PPEF2: variants seen among roughly 807,000 people sequenced by gnomAD.
PPEF2 encodes the protein protein phosphatase with EF-hand domain 2, also known as serine/threonine-protein phosphatase with EF-hands 2.
PPEF2 carries 84 observed loss-of-function variants against 84.7 expected under a neutral mutation model. The ratio of observed to expected loss-of-function variants is 0.99; its 90% CI spans 0.83 to 1.19. The LOEUF (loss-of-function observed/expected upper bound fraction) is 1.19, where lower values mean the gene tolerates loss of function less well. Ranked by LOEUF, PPEF2 falls within the 50% of genes most tolerant of loss-of-function variation. The probability of loss-of-function intolerance (pLI) is 0.00; values close to 1 mark genes in which losing one functional copy is unlikely to be tolerated. For missense variants in PPEF2, 924 were observed against 937.5 expected (o/e 0.99, Z 0.19); for synonymous variants, 346 against 345.2 (o/e 1.00, Z -0.03).
At chr4:75,882,349 A>C (rs1294044458) in intron 10 of PPEF2, among the ~76,000 whole-genome samples, 2 of 152,174 alleles carry the variant, frequency 1.3e-5, no homozygotes, top group African/African-American at 4.8e-5. Context: ...CTTTAATTGA[A>C]GGTAATATGA....
chr4:75,872,173 T>C lies in PPEF2; in HGVS notation c.1507-6A>G. The C allele has an allele frequency of 6.2e-7, 1 of 1,612,170 alleles. No individual in the cohort carries two copies. The highest frequency in any genetic ancestry group is 8.5e-7 in the Non-Finnish European group (1 of 1,179,292). ...GCAGAAAAGATTGTTAATACCTACA[T>C]CAAAACAGAAGAGAGACAGGTGTTC... On this transcript the variant is annotated splice_polypyrimidine_tract_variant and splice_region_variant and intron_variant, in intron 12 of 16. Transcript: ENST00000286719.
At chr4:75,883,140 A>G (rs1168267885) in intron 9 of PPEF2, 26 bp downstream of exon 9, 1 of 1,613,790 alleles carries the variant, frequency 6.2e-7, no homozygotes, top group Non-Finnish European at 8.5e-7. Flanking sequence ...AACTGAGAGA[A>G]ACTTTTGTCT....
Position 75,876,424 on chromosome 4 carries a change from C to G in PPEF2, c.1183G>C (p.Glu395Gln). 1 of 1,614,192 alleles carries G rather than the reference C, an allele frequency of 6.2e-7. No individual in the cohort carries two copies. The highest frequency in any genetic ancestry group is 8.5e-7 in the Non-Finnish European group (1 of 1,180,046). ...ELSRQVRSSV[E>Q]LELERCRQQA... is the part of the protein sequence containing the mutation. ...TGCCGGCACCGCTCTAGCTCCAGTT[C>G]CACGGAGCTCCGCACCTGCCGGGAG... is the stretch of plus-strand genomic sequence containing the variant. The change falls in exon 11 of 17, where the codon GAA becomes CAA. Residue 395 changes from glutamate to glutamine, a missense_variant. By Grantham distance (29) the Glu-to-Gln change is conservative (BLOSUM62 2). Transcript: ENST00000286719.
At chr4:75,881,872 A>G (rs1037794240) in intron 10 of PPEF2, 1 of 152,230 alleles carries the variant, frequency 6.6e-6, no homozygotes, top group Non-Finnish European at 1.5e-5. Context: ...TCTCATATAC[A>G]TAGACTTTCA....
chr4:75,871,874 G>A (rs1724288675), intron 13 of PPEF2, 151 bp downstream of exon 13: 5 of 724,220 alleles, frequency 6.9e-6, no homozygotes, highest in Admixed American at 3.2e-5. Flanking sequence ...CTACTCTAAT[G>A]TCTATTGTAT....
chr4:75,872,634 G>A (rs887709800), intron 12 of PPEF2, among the ~76,000 whole-genome samples: 1 of 152,138 alleles, frequency 6.6e-6, no homozygotes, highest in Non-Finnish European at 1.5e-5. Context: ...GCTAGATACT[G>A]TATCTCTTCC....
In PPEF2 at chr4:75,891,979, C is replaced by T; in HGVS notation, c.56-1G>A. 2 of 1,611,324 alleles carry T rather than the reference C, an allele frequency of 1.2e-6. No homozygotes were observed. The highest frequency in any genetic ancestry group is 1.7e-6 in the Non-Finnish European group (2 of 1,177,682). Reference sequence around the variant, plus strand: ...TGGATCAGGGCTGCTGCCTTGAAGGCTATGACACCGATGGAGAAGCAAGCC... The same window carrying T: ...TGGATCAGGGCTGCTGCCTTGAAGGTTATGACACCGATGGAGAAGCAAGCC... On this transcript the variant is annotated splice_acceptor_variant, in intron 2 of 16. Transcript: ENST00000286719. LOFTEE classifies it high-confidence loss of function.
rs777547990 is a variant in PPEF2, at chr4:75,890,113, T to C, written c.261A>G (p.Ile87Met). ...CCTGGGCGAATCTGTCCTCAGTGAA[T>C]ATGCGGGTCAGGAAGTCCCCTAGTC... ...SHNDRDFLTR[I>M]FTEDRFAQDS... The change falls in exon 5 of 17, where the codon ATA becomes ATG. Residue 87 changes from isoleucine to methionine, a missense_variant. Physicochemically the swap from Ile to Met is conservative, Grantham distance 10. Coordinates refer to ENST00000286719, the MANE Select transcript of PPEF2 (RefSeq NM_006239.3). 8 of 1,613,860 alleles carry C rather than the reference T, an allele frequency of 5.0e-6. No homozygotes were observed. Among genetic ancestry groups the C allele is most frequent in the East Asian group, 2.2e-5 (1 of 44,886 alleles).
intron 13 of PPEF2, among the ~76,000 whole-genome samples, chr4:75,868,156 C>A (rs1471306593): frequency 6.9e-5 from 10 of 145,884 alleles, no homozygotes; most frequent in African/African-American, 5.1e-5. Flanking sequence ...ACTCAAAGTA[C>A]AAAAAAAAAA....
chr4:75,884,424 C>A (rs373123437), intron 8 of PPEF2, among the ~76,000 whole-genome samples, 170 bp downstream of exon 8: 60 of 144,312 alleles, frequency 4.2e-4, no homozygotes, highest in East Asian at 8.0e-4. Flanking sequence ...AGACTCTCTC[C>A]AAAAAAAAAA....
chr4:75,897,777 A>AAACAAC (rs368624134), intron 1 of PPEF2, among the ~76,000 whole-genome samples: 1 of 152,054 alleles, frequency 6.6e-6, no homozygotes, highest in African/African-American at 2.4e-5. Context: ...ACTCTGCCTA[A>AAACAAC]AACAACAACA....
At chr4:75,900,921 C>T (rs1039846054) in intron 1 of PPEF2, among the ~76,000 whole-genome samples, 13 of 151,924 alleles carry the variant, frequency 8.6e-5, no homozygotes, top group Non-Finnish European at 1.9e-4. Flanking sequence ...CAGAAGAGCA[C>T]GCCTAGTGTG....
chr4:75,899,564 G>A (rs900549528), intron 1 of PPEF2, among the ~76,000 whole-genome samples: 2 of 152,138 alleles, frequency 1.3e-5, no homozygotes, highest in African/African-American at 4.8e-5. Flanking sequence ...TTTGAAGGTT[G>A]TGATACTGGG....
At chr4:75,890,437 A>G (rs1724849434) in intron 4 of PPEF2, among the ~76,000 whole-genome samples, 1 of 151,052 alleles carries the variant, frequency 6.6e-6, no homozygotes, top group Admixed American at 6.6e-5. Flanking sequence ...TTCAATGAGC[A>G]GAGATGATAC....
At chr4:75,876,804 A>G in intron 10 of PPEF2, 131 bp from the exon 11 acceptor site, 1 of 966,420 alleles carries the variant, frequency 1.0e-6, no homozygotes, top group Non-Finnish European at 1.4e-6. Flanking sequence ...CCGGGAGTTC[A>G]AGACCAGCTT....
In PPEF2 at chr4:75,884,732, T is replaced by A; in HGVS notation, c.608A>T (p.Tyr203Phe). ...KNGLPSPERSYVFNGDFVDRG... is the reference protein window; with the variant it reads ...KNGLPSPERSFVFNGDFVDRG... ...ATCCACAAAGTCACCGTTGAACACATATGACCGTTCTGGCGACGGGAGGCC... is the reference window on the plus strand; with the variant it reads ...ATCCACAAAGTCACCGTTGAACACAAATGACCGTTCTGGCGACGGGAGGCC... Residue 203 changes from tyrosine to phenylalanine, a missense_variant, in exon 8 of 17, where the codon TAT becomes TTT. Transcript: ENST00000286719. 6.2e-7 allele frequency: 1 copy of A among 1,605,206 alleles called. No individual in the cohort carries two copies. The highest frequency in any genetic ancestry group is 8.5e-7 in the Non-Finnish European group (1 of 1,177,834).
intron 10 of PPEF2, among the ~76,000 whole-genome samples, chr4:75,879,925 T>C (rs529056693): frequency 1.3e-5 from 2 of 152,010 alleles, no homozygotes; most frequent in Non-Finnish European, 2.9e-5. Context: ...GCCTCCCAGA[T>C]TCAAGCAATT....
At chr4:75,870,333 T>C (rs755193274) in intron 13 of PPEF2, among the ~76,000 whole-genome samples, 1 of 152,220 alleles carries the variant, frequency 6.6e-6, no homozygotes, top group Non-Finnish European at 1.5e-5. Context: ...ACAGTAGGTC[T>C]GACATTCACT....
At chr4:75,901,210 A>G (rs1385649180) in intron 1 of PPEF2, among the ~76,000 whole-genome samples, 1 of 152,172 alleles carries the variant, frequency 6.6e-6, no homozygotes, top group Non-Finnish European at 1.5e-5. Flanking sequence ...AGCAGAGAAC[A>G]TTCTAGAAAT....
Sources: gnomAD v4.1 joint callset for allele counts (sites outside exome capture counted in the v4.1 genomes callset) on GRCh38, gnomAD v4.1.1 for gene constraint, MANE v1.5 for transcripts, NCBI Gene and HGNC (gene_info 2026-07-23, HGNC 2026-07-21) for gene names.